ZNF407: variants seen among roughly 807,000 people sequenced by gnomAD.
ZNF407 encodes the protein zinc finger protein 407.
ZNF407 carries 17 observed loss-of-function variants against 131.2 expected under a neutral mutation model. That is an observed-to-expected ratio of 0.13 (90% confidence interval 0.09 to 0.19). ZNF407 has a LOEUF of 0.19. Ranked by LOEUF, ZNF407 falls within the 10% of genes least tolerant of loss-of-function variation. The probability of loss-of-function intolerance (pLI) is 1.00; values close to 1 mark genes in which losing one functional copy is unlikely to be tolerated. For synonymous variants in ZNF407, 1,156 were observed against 1,062.0 expected, an observed-to-expected ratio of 1.09 and a Z score of -1.72; for missense variants, 2,681 against 2,830.6, an observed-to-expected ratio of 0.95 and a Z score of 1.20.
intron 4 of ZNF407, among the ~76,000 whole-genome samples, chr18:74,822,587 T>G (rs1348257412): frequency 6.6e-6 from 1 of 152,208 alleles, no homozygotes; most frequent in Admixed American, 6.5e-5. Context: ...ATGTGTGGTG[T>G]TATTTCTGAG....
At chr18:74,957,516 T>C (rs1599263391) in intron 8 of ZNF407, among the ~76,000 whole-genome samples, 2 of 152,192 alleles carry the variant, frequency 1.3e-5, no homozygotes, top group East Asian at 3.9e-4. Context: ...AGGGTTACAA[T>C]CTGTTATTCT....
chr18:75,064,511 G>A lies in ZNF407; in HGVS notation c.*43G>A, dbSNP rs1055947086. 22 of 1,425,634 alleles carry A rather than the reference G, an allele frequency of 1.5e-5. No homozygotes were observed. In the Admixed American group the frequency reaches 4.8e-4, roughly 31 times the overall value. 88.3% of individuals were successfully genotyped at this position (1,425,634 alleles called of 1,614,324 possible). A position where few individuals can be genotyped will look rare whatever the true frequency, so the allele number is the denominator to read the frequency against. On this transcript the variant is annotated 3_prime_UTR_variant, in exon 9 of 9. Coordinates refer to ENST00000299687, the MANE Select transcript of ZNF407 (RefSeq NM_017757.3). ...CTCAGCACAGGGCAGGTGTGGGAAG[G>A]TCCAGCTTCGGTGGGGGACCGTGTT...
intron 3 of ZNF407, among the ~76,000 whole-genome samples, chr18:74,669,447 C>T (rs909210504): frequency 1.3e-5 from 2 of 152,234 alleles, no homozygotes; most frequent in Non-Finnish European, 2.9e-5. Flanking sequence ...ACCCCTCCAC[C>T]TCCATTCTTA....
At chr18:74,994,752 C>G (rs1390754186) in intron 8 of ZNF407, among the ~76,000 whole-genome samples, 1 of 152,064 alleles carries the variant, frequency 6.6e-6, no homozygotes, top group Non-Finnish European at 1.5e-5. Context: ...GACCCAGCGA[C>G]AGGAAGAATA....
chr18:74,788,334 A>G (rs1470124882), intron 4 of ZNF407, among the ~76,000 whole-genome samples: 1 of 152,170 alleles, frequency 6.6e-6, no homozygotes, highest in Non-Finnish European at 1.5e-5. Context: ...GGGGCGTTGT[A>G]TTGAGCATTG....
At chr18:74,777,384 T>C (rs1390324396) in intron 3 of ZNF407, among the ~76,000 whole-genome samples, 1 of 152,114 alleles carries the variant, frequency 6.6e-6, no homozygotes, top group African/African-American at 2.4e-5. Context: ...CTTCAGATGA[T>C]TAGATGCTTG....
chr18:74,987,039 A>G (rs543026491), intron 8 of ZNF407, among the ~76,000 whole-genome samples: 8 of 152,252 alleles, frequency 5.3e-5, no homozygotes, highest in Admixed American at 1.3e-4. Flanking sequence ...AATATTTTTT[A>G]TTCTCGATGG....
intron 7 of ZNF407, among the ~76,000 whole-genome samples, chr18:74,918,220 C>G (rs1971798679): frequency 6.6e-6 from 1 of 152,160 alleles, no homozygotes; most frequent in South Asian, 2.1e-4. Context: ...GCTAGTGTCT[C>G]TGATACGTAA....
chr18:74,781,695 G>T (rs1969606422), intron 4 of ZNF407, among the ~76,000 whole-genome samples, 193 bp downstream of exon 4: 1 of 151,886 alleles, frequency 6.6e-6, no homozygotes, highest in African/African-American at 2.4e-5. Flanking sequence ...TAAAACTTGA[G>T]TCTAGAAGTA....
intron 3 of ZNF407, among the ~76,000 whole-genome samples, chr18:74,709,151 CAAAT>C (rs997267456): frequency 6.6e-6 from 1 of 151,988 alleles, no homozygotes; most frequent in Non-Finnish European, 1.5e-5. Context: ...TCCAGTAAAA[CAAAT>C]AAAATATCAA....
chr18:74,766,033 G>A (rs1284983214), intron 3 of ZNF407, among the ~76,000 whole-genome samples: 1 of 150,190 alleles, frequency 6.7e-6, no homozygotes, highest in Admixed American at 6.6e-5. Context: ...GTGTGTGTGT[G>A]TGTGTGTGTG....
Position 74,633,612 on chromosome 18 carries a change from T to C in ZNF407, c.2593T>C (p.Leu865=). 1 of 1,614,006 alleles carries C rather than the reference T, an allele frequency of 6.2e-7. No homozygotes were observed. Among genetic ancestry groups the C allele is most frequent in the East Asian group, 2.2e-5 (1 of 44,878 alleles). ...CCTTTTGGCCTCTAGTATTACAAAC[T>C]TGACTGTTCACATTAGACGAAAACA... ...CGLLASSITN[L]TVHIRRKHSH... is the part of the protein sequence containing the mutation. The change falls in exon 2 of 9, where the codon TTG becomes CTG. Residue 865 remains leucine, a synonymous_variant. Coordinates refer to ENST00000299687, the MANE Select transcript of ZNF407 (RefSeq NM_017757.3).
chr18:74,728,806 CAAG>C lies in ZNF407; in HGVS notation c.4803-52621_4803-52619del, dbSNP rs779342216. ...TGGGCAGTGCTGGGGAGGCTCATCA[CAAG>C]GAGGGCACAGAGGTGAAAACAGGAA... On this transcript the variant is annotated intron_variant, in intron 3 of 8. Coordinates refer to ENST00000299687, the MANE Select transcript of ZNF407 (RefSeq NM_017757.3). Among the ~76,000 whole-genome samples, 8 of 152,242 alleles carry C rather than the reference CAAG, an allele frequency of 5.3e-5. No homozygotes were observed. The South Asian group carries it at 8.3e-4, about 16-fold the overall frequency.
chr18:74,974,500 A>G (rs1014562944), intron 8 of ZNF407, among the ~76,000 whole-genome samples: 2 of 152,212 alleles, frequency 1.3e-5, no homozygotes, highest in African/African-American at 4.8e-5. Flanking sequence ...ACGCTCGGCA[A>G]CTTTACCTGA....
At chr18:74,687,967 A>G (rs1427991733) in intron 3 of ZNF407, among the ~76,000 whole-genome samples, 1 of 152,180 alleles carries the variant, frequency 6.6e-6, no homozygotes, top group Non-Finnish European at 1.5e-5. Context: ...ATTCTGAATT[A>G]AAAAGATTAG....
intron 3 of ZNF407, among the ~76,000 whole-genome samples, chr18:74,683,914 C>G (rs996269476): frequency 6.6e-6 from 1 of 152,110 alleles, no homozygotes; most frequent in East Asian, 1.9e-4. Flanking sequence ...AAATCAGTGC[C>G]TTTGAAAAAT....
chr18:74,918,998 C>T (rs926446420), intron 7 of ZNF407, among the ~76,000 whole-genome samples: 4 of 152,084 alleles, frequency 2.6e-5, no homozygotes, highest in African/African-American at 7.2e-5. Flanking sequence ...GATGCAGGTA[C>T]GAGAACTCTT....
intron 4 of ZNF407, among the ~76,000 whole-genome samples, chr18:74,830,273 T>A (rs576432138): frequency 1.2e-4 from 18 of 152,260 alleles, no homozygotes; most frequent in South Asian, 4.1e-4. Flanking sequence ...TAACCTTTTT[T>A]AAGATTATTT....
At chr18:74,676,953 G>A (rs148749001) in intron 3 of ZNF407, among the ~76,000 whole-genome samples, 1,838 of 152,240 alleles carry the variant, frequency 0.012, 31 homozygotes, top group African/African-American at 0.036. Flanking sequence ...CACTGCCCCC[G>A]TCTTCCCTCC....
Sources: allele counts gnomAD v4.1 joint callset (sites outside exome capture counted in the v4.1 genomes callset), GRCh38; gene constraint gnomAD v4.1.1; transcripts MANE v1.5; gene names NCBI Gene and HGNC (gene_info 2026-07-23, HGNC 2026-07-21).